Variants in DPF3 observed in about 807,000 individuals in gnomAD.
DPF3 encodes the protein zinc finger protein DPF3.
In DPF3, 18 loss-of-function variants were observed where a neutral mutation model predicts 56.8. That is an observed-to-expected ratio of 0.32 (90% CI 0.22 to 0.47). DPF3 has a LOEUF of 0.47. Among genes scored for constraint, DPF3 ranks in the 20% least tolerant of loss-of-function variants. DPF3 has a pLI of 1.00. For synonymous variants in DPF3, 188 were observed against 180.2 expected, an observed-to-expected ratio of 1.04 and a Z score of -0.35; for missense variants, 403 against 488.8, an observed-to-expected ratio of 0.82 and a Z score of 1.65.
At chr14:72,792,459 C>T (rs1160063868) in intron 1 of DPF3, among the ~76,000 whole-genome samples, 1 of 152,160 alleles carries the variant, frequency 6.6e-6, no homozygotes, top group Non-Finnish European at 1.5e-5. Context: ...AAGAAATCCA[C>T]ATTTCTAGTG....
intron 1 of DPF3, among the ~76,000 whole-genome samples, chr14:72,791,167 C>T (rs1316770941): frequency 6.6e-6 from 1 of 152,214 alleles, no homozygotes; most frequent in Non-Finnish European, 1.5e-5. Flanking sequence ...ACTAGCCCCC[C>T]ACCATGTGAG....
At chr14:72,791,959 G>A (rs1371217151) in intron 1 of DPF3, among the ~76,000 whole-genome samples, 1 of 152,186 alleles carries the variant, frequency 6.6e-6, no homozygotes, top group African/African-American at 2.4e-5. Context: ...GAGATCAGGT[G>A]GAGCAGGATG....
At chr14:72,667,493 C>T (rs12147210) in intron 8 of DPF3, among the ~76,000 whole-genome samples, 2,296 of 152,264 alleles carry the variant, frequency 0.015, 26 homozygotes, top group Admixed American at 0.021. Flanking sequence ...CTGGCCAGAT[C>T]GTTTTCATCT....
chr14:72,892,136 A>G (rs1052570162), intron 1 of DPF3: 14 of 1,530,896 alleles, frequency 9.1e-6, no homozygotes, highest in Non-Finnish European at 1.2e-5. Context: ...CTTTCCCAGG[A>G]GGAAACAAAC....
intron 1 of DPF3, among the ~76,000 whole-genome samples, chr14:72,805,714 T>C (rs1034637755): frequency 6.6e-6 from 1 of 152,068 alleles, no homozygotes; most frequent in African/African-American, 2.4e-5. Flanking sequence ...GACATTGTAA[T>C]GGGCGCCTGT....
chr14:72,737,143 A>C (rs773574127), intron 3 of DPF3, among the ~76,000 whole-genome samples: 8 of 152,152 alleles, frequency 5.3e-5, no homozygotes, highest in Non-Finnish European at 8.8e-5. Context: ...CAAGGATTGA[A>C]GCATAGAAAG....
chr14:72,893,453 C>T (rs1886856609), intron 1 of DPF3, among the ~76,000 whole-genome samples: 1 of 152,156 alleles, frequency 6.6e-6, no homozygotes, highest in African/African-American at 2.4e-5. Flanking sequence ...CCCAGCACGC[C>T]CGGGACCCGC....
intron 1 of DPF3, among the ~76,000 whole-genome samples, chr14:72,887,577 T>C (rs1001038010): frequency 2.0e-5 from 3 of 152,238 alleles, no homozygotes; most frequent in Non-Finnish European, 4.4e-5. Flanking sequence ...CTCTGGCCCC[T>C]AGCTGTCCTC....
intron 1 of DPF3, among the ~76,000 whole-genome samples, chr14:72,830,026 G>A (rs185902832): frequency 5.8e-4 from 89 of 152,294 alleles, no homozygotes; most frequent in African/African-American, 1.7e-3. Flanking sequence ...GATTACAGGC[G>A]TGAGCCACCA....
chr14:72,757,865 T>C (rs1241053199), intron 2 of DPF3, among the ~76,000 whole-genome samples: 1 of 152,146 alleles, frequency 6.6e-6, no homozygotes, highest in African/African-American at 2.4e-5. Flanking sequence ...TATAACATAC[T>C]ATCATTTATT....
chr14:72,810,616 C>A (rs1248614551), intron 1 of DPF3, among the ~76,000 whole-genome samples: 3 of 152,122 alleles, frequency 2.0e-5, no homozygotes, highest in Non-Finnish European at 2.9e-5. Context: ...AAAAGAATAA[C>A]TCTAAGAAAC....
intron 1 of DPF3, among the ~76,000 whole-genome samples, chr14:72,824,604 A>G (rs1174272313): frequency 1.4e-5 from 2 of 142,102 alleles, no homozygotes; most frequent in African/African-American, 2.6e-5. Flanking sequence ...GTCTCACTCT[A>G]TCGCCCAGGC....
intron 8 of DPF3, among the ~76,000 whole-genome samples, chr14:72,672,680 A>C (rs966293800): frequency 4.0e-5 from 6 of 151,808 alleles, no homozygotes; most frequent in African/African-American, 7.3e-5. Flanking sequence ...ACAACTTCCC[A>C]CTCCTGACAT....
chr14:72,753,212 G>A (rs1348896927), intron 3 of DPF3, 52 bp downstream of exon 3: 1 of 1,566,488 alleles, frequency 6.4e-7, no homozygotes, highest in Admixed American at 1.7e-5. Context: ...GCCCAGCCCA[G>A]TCCTCCCACC....
intron 2 of DPF3, among the ~76,000 whole-genome samples, chr14:72,753,702 C>G (rs1175488112): frequency 6.6e-6 from 1 of 152,198 alleles, no homozygotes; most frequent in Admixed American, 6.5e-5. Context: ...GTCTCCAAAG[C>G]AGTGGATCTC....
intron 8 of DPF3, chr14:72,670,607 GAT>G: frequency 8.1e-6 from 8 of 987,640 alleles, no homozygotes; most frequent in Non-Finnish European, 9.6e-6. Context: ...CTCTAAACAG[GAT>G]ATTGCTTCGA....
At chr14:72,860,147 T>G (rs1885339170) in intron 1 of DPF3, among the ~76,000 whole-genome samples, 1 of 151,684 alleles carries the variant, frequency 6.6e-6, no homozygotes, top group Admixed American at 6.6e-5. Flanking sequence ...TTCATTTGCT[T>G]GAATTTCACT....
chr14:72,777,600 A>G (rs1319808688), intron 1 of DPF3, among the ~76,000 whole-genome samples: 2 of 151,758 alleles, frequency 1.3e-5, no homozygotes, highest in Admixed American at 1.3e-4. Flanking sequence ...GTAATCCCCA[A>G]CTCTGGGGGT....
intron 4 of DPF3, chr14:72,731,519 C>T: frequency 2.8e-6 from 1 of 355,942 alleles, no homozygotes; most frequent in Non-Finnish European, 5.3e-6. Context: ...ACTCTGTGTC[C>T]CTGGGACCCT....
Sources: allele counts gnomAD v4.1 joint callset (sites outside exome capture counted in the v4.1 genomes callset), GRCh38; gene constraint gnomAD v4.1.1; transcripts MANE v1.5; gene names NCBI Gene and HGNC (gene_info 2026-07-23, HGNC 2026-07-21).